The following MAGI3 variants were observed in gnomAD, a reference collection of about 807,000 sequenced individuals.
MAGI3 encodes the protein membrane-associated guanylate kinase, WW and PDZ domain-containing protein 3.
Under a neutral mutation model 121.8 loss-of-function variants are expected in MAGI3, and 43 were observed. The ratio of observed to expected loss-of-function variants is 0.35; its 90% CI spans 0.28 to 0.46. MAGI3 has a LOEUF of 0.46. MAGI3 is among the 20% of genes least tolerant of loss of function. The probability of loss-of-function intolerance (pLI) is 1.00; values close to 1 mark genes in which losing one functional copy is unlikely to be tolerated. For missense variants in MAGI3, 1,547 were observed against 1,797.3 expected (o/e 0.86, Z 2.52); for synonymous variants, 553 against 639.3 (o/e 0.86, Z 2.04).
At chr1:113,467,510 A>T (rs997970051) in intron 1 of MAGI3, among the ~76,000 whole-genome samples, 2 of 152,030 alleles carry the variant, frequency 1.3e-5, no homozygotes, top group African/African-American at 2.4e-5. Flanking sequence ...TCTATTACTG[A>T]GAGTAGGGTG....
intron 1 of MAGI3, among the ~76,000 whole-genome samples, chr1:113,451,821 A>T (rs960999635): frequency 5.3e-5 from 8 of 152,248 alleles, no homozygotes; most frequent in African/African-American, 1.7e-4. Context: ...ATGTAGTAGA[A>T]ATAAATGTGA....
chr1:113,407,253 A>G lies in MAGI3; in HGVS notation c.316+15904A>G, dbSNP rs556742814. Among the ~76,000 whole-genome samples, 5 of 152,314 alleles carry G rather than the reference A, an allele frequency of 3.3e-5. No homozygotes were observed. The South Asian group carries it at 1.0e-3, about 32-fold the overall frequency. On this transcript the variant is annotated intron_variant, in intron 1 of 20. Transcript: ENST00000307546. The stretch of plus-strand genomic sequence containing the variant: ...AACCCTTTAGTTTGGATGAAAATAA[A>G]TGATGGCTTGGACTTATAAGAATAG...
At chr1:113,653,185 A>G (rs1653269401) in intron 14 of MAGI3, among the ~76,000 whole-genome samples, 1 of 152,222 alleles carries the variant, frequency 6.6e-6, no homozygotes, top group African/African-American at 2.4e-5. Context: ...GCTAAATTAT[A>G]TTTATAATTG....
intron 1 of MAGI3, among the ~76,000 whole-genome samples, chr1:113,532,122 C>T (rs1432372810): frequency 2.0e-5 from 3 of 152,046 alleles, no homozygotes; most frequent in African/African-American, 7.2e-5. Context: ...GGTTTCTTCA[C>T]TGAATTGAGT....
At chr1:113,582,343 T>G (rs1467904560) in intron 3 of MAGI3, among the ~76,000 whole-genome samples, 1 of 152,074 alleles carries the variant, frequency 6.6e-6, no homozygotes, top group Non-Finnish European at 1.5e-5. Flanking sequence ...GGAATATTTG[T>G]TATAGTGTGA....
intron 6 of MAGI3, among the ~76,000 whole-genome samples, chr1:113,612,354 T>C (rs986935594): frequency 1.3e-5 from 2 of 152,344 alleles, no homozygotes; most frequent in Admixed American, 1.3e-4. Flanking sequence ...TCTTATCATT[T>C]ATCTCTTCTG....
At chr1:113,457,460 A>T (rs1295555053) in intron 1 of MAGI3, among the ~76,000 whole-genome samples, 1 of 152,212 alleles carries the variant, frequency 6.6e-6, no homozygotes, top group Admixed American at 6.5e-5. Context: ...CTTATTCGAT[A>T]AGAAATACTG....
At chr1:113,650,987 C>T (rs1216882999) in intron 13 of MAGI3, 27 bp from the exon 14 acceptor site, 1 of 1,598,602 alleles carries the variant, frequency 6.3e-7, no homozygotes, top group Non-Finnish European at 8.5e-7. Context: ...ACACTGTGGA[C>T]CAAACTGTAC....
At chr1:113,514,130 T>G (rs1167233493) in intron 1 of MAGI3, among the ~76,000 whole-genome samples, 1 of 152,050 alleles carries the variant, frequency 6.6e-6, no homozygotes, top group Non-Finnish European at 1.5e-5. Flanking sequence ...AAACAACAGG[T>G]GCTGGAGAGG....
At chr1:113,618,934 AT>A (rs1189416896) in intron 7 of MAGI3, among the ~76,000 whole-genome samples, 5 of 152,218 alleles carry the variant, frequency 3.3e-5, no homozygotes, top group African/African-American at 1.2e-4. Context: ...TTTTTACAGC[AT>A]TTCCTTTCTT....
chr1:113,441,186 T>C (rs1653894006), intron 1 of MAGI3, among the ~76,000 whole-genome samples: 1 of 152,098 alleles, frequency 6.6e-6, no homozygotes, highest in South Asian at 2.1e-4. Flanking sequence ...ACCCCTAATA[T>C]CTCATGTTGG....
chr1:113,590,774 T>A, intron 5 of MAGI3, 116 bp downstream of exon 5: 1 of 930,326 alleles, frequency 1.1e-6, no homozygotes, highest in Non-Finnish European at 1.5e-6. Context: ...TTTTTTTCTT[T>A]CTTTAAAAAT....
intron 6 of MAGI3, among the ~76,000 whole-genome samples, chr1:113,600,199 A>G (rs1191296161): frequency 1.3e-5 from 2 of 152,194 alleles, no homozygotes; most frequent in Non-Finnish European, 2.9e-5. Flanking sequence ...CCTATTCAAC[A>G]TAGTGTTGGA....
chr1:113,661,530 G>A (rs1368083913), intron 16 of MAGI3, among the ~76,000 whole-genome samples: 4 of 152,084 alleles, frequency 2.6e-5, no homozygotes, highest in Admixed American at 6.5e-5. Flanking sequence ...GGGATAGATT[G>A]TTAGGAAAAA....
intron 1 of MAGI3, among the ~76,000 whole-genome samples, chr1:113,444,555 C>T (rs1654076340): frequency 6.6e-6 from 1 of 152,128 alleles, no homozygotes; most frequent in African/African-American, 2.4e-5. Context: ...TCAGGCTGAT[C>T]ATTGGCACAA....
Position 113,590,484 on chromosome 1 carries a change from A to G in MAGI3, c.764A>G (p.Glu255Gly), listed in dbSNP as rs1383449694. 6.2e-7 allele frequency: 1 copy of G among 1,613,574 alleles called. No homozygotes were observed. The highest frequency in any genetic ancestry group is 2.2e-5 in the East Asian group (1 of 44,850). Residue 255 changes from glutamate to glycine, a missense_variant and splice_region_variant, in exon 5 of 21, where the codon GAA (glutamate) becomes GGA (glycine). Glu to Gly is a moderately conservative substitution (Grantham distance 98). Transcript: ENST00000307546. ...ACCTTTCTGTTTTGAACAATGGCAGAAAACAGAGAGAGGCATTCTGAGTCA... is the reference window on the plus strand; with the variant it reads ...ACCTTTCTGTTTTGAACAATGGCAGGAAACAGAGAGAGGCATTCTGAGTCA... ...KEAINGSGNA[E>G]NRERHSESSD... is the part of the protein sequence containing the mutation.
chr1:113,450,421 A>G (rs1351050851), intron 1 of MAGI3: 13 of 1,140,414 alleles, frequency 1.1e-5, no homozygotes, highest in Non-Finnish European at 1.6e-5. Flanking sequence ...GATGGTGGCA[A>G]CTATGGTGTG....
At chr1:113,450,513 G>C (rs1654425054) in intron 1 of MAGI3, 1 of 1,015,050 alleles carries the variant, frequency 9.9e-7, no homozygotes, top group Non-Finnish European at 1.5e-6. Context: ...GGTGGAGGTG[G>C]TGGAGGATAT....
rs534748810 is a variant in MAGI3, at chr1:113,537,482, A to G, written c.317-12033A>G. On this transcript the variant is annotated intron_variant, in intron 1 of 20. Transcript: ENST00000307546. ...CCAGTTAAGAACCTTGTACAGAAGA[A>G]AAATGGCCAATGAGTTTGGCCAGTG... 2.5e-3 allele frequency among the ~76,000 whole-genome samples: 386 copies of G among 152,330 alleles called. 1 individual carries two copies. The highest frequency in any genetic ancestry group is 9.6e-3 in the Admixed American group (147 of 15,310).
Sources: gnomAD v4.1 joint callset for allele counts (sites outside exome capture counted in the v4.1 genomes callset) on GRCh38, gnomAD v4.1.1 for gene constraint, MANE v1.5 for transcripts, NCBI Gene and HGNC (gene_info 2026-07-23, HGNC 2026-07-21) for gene names.